JAZF1: variants seen among roughly 807,000 people sequenced by gnomAD.
JAZF1 encodes juxtaposed with another zinc finger protein 1.
JAZF1 carries 8 observed loss-of-function variants against 26.4 expected under a neutral mutation model. The observed-to-expected ratio is 0.30, with a 90% confidence interval of 0.18 to 0.55. The LOEUF is 0.55. JAZF1 is among the 20% of genes least tolerant of loss of function. JAZF1 has a pLI of 0.94. For missense variants in JAZF1, 199 were observed against 322.0 expected, an observed-to-expected ratio of 0.62 and a Z score of 2.92; for synonymous variants, 126 against 122.3, an observed-to-expected ratio of 1.03 and a Z score of -0.20.
In JAZF1 at chr7:27,831,586, T is replaced by TAA; in HGVS notation, c.*1212_*1213dup. On this transcript the variant is annotated 3_prime_UTR_variant, in exon 5 of 5. Transcript: ENST00000283928. ...TTGACCACCTGCTGCAAGAAGCACT[T>TAA]AATTGTCAATAAGGCTCATTTTCCT... 4.4e-6 allele frequency: 1 copy of TAA among 226,136 alleles called. No homozygotes were observed. Among genetic ancestry groups the TAA allele is most frequent in the Non-Finnish European group, 8.8e-6 (1 of 113,300 alleles). The allele number at this position is 226,136 out of a possible 1,614,324, so 14.0% of individuals were successfully genotyped here.
At chr7:27,948,268 C>A (rs376296138) in intron 2 of JAZF1, among the ~76,000 whole-genome samples, 1 of 152,128 alleles carries the variant, frequency 6.6e-6, no homozygotes, top group Non-Finnish European at 1.5e-5. Flanking sequence ...ATTTTCCCGA[C>A]TGCTTCATGC....
At chr7:27,833,087 T>C in intron 4 of JAZF1, 111 bp from the exon 5 acceptor site, 1 of 781,196 alleles carries the variant, frequency 1.3e-6, no homozygotes, top group Non-Finnish European at 2.0e-6. Flanking sequence ...CTGTTTAGAG[T>C]GTAGTCTTTT....
chr7:28,053,237 T>G (rs1306592641), intron 1 of JAZF1, among the ~76,000 whole-genome samples: 3 of 152,206 alleles, frequency 2.0e-5, no homozygotes, highest in Admixed American at 6.5e-5. Context: ...GATACTTGGG[T>G]TGCTTGTACT....
intron 1 of JAZF1, among the ~76,000 whole-genome samples, chr7:28,073,607 C>G (rs1374244123): frequency 1.3e-5 from 2 of 152,198 alleles, no homozygotes; most frequent in Non-Finnish European, 2.9e-5. Context: ...GAGGCACAGT[C>G]TCTTTGGAAG....
At chr7:27,925,536 C>T (rs1354851282) in intron 2 of JAZF1, among the ~76,000 whole-genome samples, 1 of 152,174 alleles carries the variant, frequency 6.6e-6, no homozygotes, top group Non-Finnish European at 1.5e-5. Flanking sequence ...ATTCTCCCAC[C>T]TCGTCCTCAC....
Position 27,944,957 on chromosome 7 carries a change from G to T in JAZF1, c.188+46952C>A, listed in dbSNP as rs75834861. Among the ~76,000 whole-genome samples the T allele has an allele frequency of 3.3e-5, 5 of 152,130 alleles. No homozygotes were observed. The East Asian group carries it at 9.7e-4, about 29-fold the overall frequency. The stretch of plus-strand genomic sequence containing the variant: ...TTTCCGGAACGCTGTCATCTGCTAC[G>T]GTGTGACTGGTAATACATTTCGGAG... On this transcript the variant is annotated intron_variant, in intron 2 of 4. Coordinates refer to ENST00000283928, the MANE Select transcript of JAZF1 (RefSeq NM_175061.4).
intron 1 of JAZF1, among the ~76,000 whole-genome samples, chr7:28,054,942 A>G (rs1783678804): frequency 6.6e-6 from 1 of 152,108 alleles, no homozygotes; most frequent in Non-Finnish European, 1.5e-5. Context: ...ATTTTGAGGT[A>G]AAAGTTCTCA....
chr7:27,865,462 C>T (rs1156432098), intron 3 of JAZF1, among the ~76,000 whole-genome samples: 1 of 152,158 alleles, frequency 6.6e-6, no homozygotes, highest in Non-Finnish European at 1.5e-5. Context: ...GTTCTTACTA[C>T]TTCAAACAGT....
chr7:28,135,817 G>A (rs918423205), intron 1 of JAZF1, among the ~76,000 whole-genome samples: 1 of 152,132 alleles, frequency 6.6e-6, no homozygotes, highest in Non-Finnish European at 1.5e-5. Context: ...TGGCTAAGTA[G>A]GTGGTATAAA....
intron 3 of JAZF1, among the ~76,000 whole-genome samples, chr7:27,890,858 C>T (rs919787790): frequency 4.8e-5 from 7 of 145,534 alleles, no homozygotes; most frequent in East Asian, 4.1e-4. Flanking sequence ...GGTGCAATCT[C>T]GGCTCACCGC....
chr7:27,864,622 G>C (rs539547253), intron 3 of JAZF1, among the ~76,000 whole-genome samples: 63 of 152,298 alleles, frequency 4.1e-4, no homozygotes, highest in Admixed American at 2.9e-3. Flanking sequence ...AGAAGAGAAA[G>C]AAACCACCTG....
intron 1 of JAZF1, among the ~76,000 whole-genome samples, chr7:28,001,582 A>C (rs73301389): frequency 0.043 from 6,559 of 152,242 alleles, 506 homozygotes; most frequent in African/African-American, 0.15. Flanking sequence ...AATAGAAGAC[A>C]GTTTGAGCAG....
chr7:27,950,384 T>C (rs1784989432), intron 2 of JAZF1, among the ~76,000 whole-genome samples: 2 of 152,126 alleles, frequency 1.3e-5, no homozygotes, highest in African/African-American at 4.8e-5. Context: ...CATAGGCACG[T>C]TTGGATCCAT....
At chr7:27,835,041 T>C (rs1782778606) in intron 4 of JAZF1, among the ~76,000 whole-genome samples, 1 of 152,232 alleles carries the variant, frequency 6.6e-6, no homozygotes, top group African/African-American at 2.4e-5. Flanking sequence ...ATTGAGCACC[T>C]AGCAGGGTCC....
At chr7:27,910,909 C>T (rs1784350700) in intron 2 of JAZF1, among the ~76,000 whole-genome samples, 1 of 152,192 alleles carries the variant, frequency 6.6e-6, no homozygotes, top group South Asian at 2.1e-4. Context: ...GATGGGGTTA[C>T]CTCTCAATCA....
chr7:27,882,013 C>T (rs984225570), intron 3 of JAZF1, among the ~76,000 whole-genome samples: 1 of 152,146 alleles, frequency 6.6e-6, no homozygotes, highest in Non-Finnish European at 1.5e-5. Context: ...AAAAATGCAT[C>T]CAGTCTCAGG....
chr7:27,927,020 C>T (rs1356146125), intron 2 of JAZF1, among the ~76,000 whole-genome samples: 1 of 152,172 alleles, frequency 6.6e-6, no homozygotes, highest in Non-Finnish European at 1.5e-5. Flanking sequence ...CAGACATACT[C>T]CTCCCTTCCA....
At chr7:27,858,327 A>G (rs1266937127) in intron 3 of JAZF1, among the ~76,000 whole-genome samples, 1 of 152,224 alleles carries the variant, frequency 6.6e-6, no homozygotes, top group African/African-American at 2.4e-5. Context: ...TACAGATTCA[A>G]TGCTATCCTC....
intron 1 of JAZF1, among the ~76,000 whole-genome samples, chr7:28,133,585 C>G (rs899792771): frequency 1.3e-5 from 2 of 152,180 alleles, no homozygotes; most frequent in African/African-American, 4.8e-5. Context: ...GGAAAAAAAC[C>G]TAGAACCAGG....
Sources: allele counts gnomAD v4.1 joint callset (sites outside exome capture counted in the v4.1 genomes callset), GRCh38; gene constraint gnomAD v4.1.1; transcripts MANE v1.5; gene names NCBI Gene and HGNC (gene_info 2026-07-23, HGNC 2026-07-21).